The following ASIC2 variants were observed in gnomAD, a reference collection of about 807,000 sequenced individuals.
The protein encoded by ASIC2 is acid-sensing ion channel 2.
ASIC2 carries 25 observed loss-of-function variants against 57.3 expected under a neutral mutation model. The ratio of observed to expected loss-of-function variants is 0.44; its 90% confidence interval spans 0.32 to 0.61. The LOEUF is 0.61. Among genes scored for constraint, ASIC2 ranks in the 20% least tolerant of loss-of-function variants. The probability of loss-of-function intolerance (pLI) is 0.06; values close to 1 mark genes in which losing one functional copy is unlikely to be tolerated. For synonymous variants in ASIC2, 319 were observed against 307.5 expected (o/e 1.04, Z -0.39); for missense variants, 641 against 738.1 (o/e 0.87, Z 1.52).
intron 1 of ASIC2, among the ~76,000 whole-genome samples, chr17:33,357,013 T>C (rs1908408065): frequency 6.3e-3 from 1 of 160 alleles, no homozygotes; most frequent in South Asian, 0.1. Context: ...CTCAAACTTC[T>C]TTGAGCATCA....
intron 1 of ASIC2, among the ~76,000 whole-genome samples, chr17:33,267,282 G>C (rs895599998): frequency 5.9e-5 from 9 of 152,174 alleles, no homozygotes; most frequent in African/African-American, 2.2e-4. Context: ...AATAGTAAGA[G>C]ATGGCTTTCT....
chr17:33,483,927 A>G (rs1913494764), intron 1 of ASIC2, among the ~76,000 whole-genome samples: 1 of 152,174 alleles, frequency 6.6e-6, no homozygotes, highest in Non-Finnish European at 1.5e-5. Flanking sequence ...GTGGTATCAC[A>G]GGGGTCCTTG....
chr17:33,103,781 C>T (rs903426558), intron 2 of ASIC2, among the ~76,000 whole-genome samples: 2 of 152,156 alleles, frequency 1.3e-5, no homozygotes, highest in African/African-American at 4.8e-5. Context: ...TCCCTCACCT[C>T]CCTGTTTTTC....
chr17:33,364,085 C>T lies in ASIC2; in HGVS notation c.556-252018G>A, dbSNP rs7219978. On this transcript the variant is annotated intron_variant, in intron 1 of 9. Transcript: ENST00000359872. ...ACTGAGGCTCAGGGAGGTACAGTGACGTGTTCAAAGACACCCTGTGAATAA... is the reference window on the plus strand; with the variant it reads ...ACTGAGGCTCAGGGAGGTACAGTGATGTGTTCAAAGACACCCTGTGAATAA... 6.2e-3 allele frequency among the ~76,000 whole-genome samples: 939 copies of T among 152,210 alleles called. 5 individuals carry two copies. Among genetic ancestry groups the T allele is most frequent in the African/African-American group, 0.021 (876 of 41,502 alleles).
At chr17:33,237,419 C>A (rs970541521) in intron 1 of ASIC2, among the ~76,000 whole-genome samples, 1 of 151,558 alleles carries the variant, frequency 6.6e-6, no homozygotes, top group African/African-American at 2.4e-5. Flanking sequence ...GGCATGATCT[C>A]AGCTCACCGC....
chr17:33,019,651 C>T (rs1420711572), intron 7 of ASIC2, among the ~76,000 whole-genome samples: 2 of 152,054 alleles, frequency 1.3e-5, no homozygotes, highest in South Asian at 2.1e-4. Flanking sequence ...GCGGCACACG[C>T]TCTCATCACA....
chr17:33,810,056 C>T (rs1912375159), intron 1 of ASIC2, among the ~76,000 whole-genome samples: 1 of 152,122 alleles, frequency 6.6e-6, no homozygotes, highest in Non-Finnish European at 1.5e-5. Flanking sequence ...CATTAATCTG[C>T]TGCTTTTTAA....
chr17:33,841,826 C>T (rs145962059), intron 1 of ASIC2, among the ~76,000 whole-genome samples: 16 of 152,146 alleles, frequency 1.1e-4, no homozygotes, highest in East Asian at 1.9e-4. Flanking sequence ...TTCAAGAGGC[C>T]GGAGAAGAGA....
intron 1 of ASIC2, among the ~76,000 whole-genome samples, chr17:33,886,983 C>T (rs1161058221): frequency 6.6e-6 from 1 of 152,026 alleles, no homozygotes; most frequent in Non-Finnish European, 1.5e-5. Context: ...CATTTTTTTC[C>T]CATCTTGACT....
At chr17:33,702,238 A>T (rs1908726198) in intron 1 of ASIC2, among the ~76,000 whole-genome samples, 1 of 152,194 alleles carries the variant, frequency 6.6e-6, no homozygotes, top group African/African-American at 2.4e-5. Flanking sequence ...GGATCAAGTA[A>T]CTTAGCACAA....
intron 1 of ASIC2, among the ~76,000 whole-genome samples, chr17:33,617,523 G>A (rs1230173814): frequency 7.0e-6 from 1 of 143,004 alleles, no homozygotes; most frequent in Non-Finnish European, 1.6e-5. Flanking sequence ...GAGGAGGGGA[G>A]AATAAAAAAA....
chr17:33,756,187 C>A (rs958901539), intron 1 of ASIC2, among the ~76,000 whole-genome samples: 1 of 152,248 alleles, frequency 6.6e-6, no homozygotes, highest in East Asian at 1.9e-4. Flanking sequence ...GGGCACCTGA[C>A]CACAGGTCAT....
chr17:33,176,979 T>C (rs1905783327), intron 1 of ASIC2, among the ~76,000 whole-genome samples: 2 of 152,236 alleles, frequency 1.3e-5, no homozygotes, highest in South Asian at 4.1e-4. Flanking sequence ...ACCTGGTCAA[T>C]GCTGAATTTG....
intron 1 of ASIC2, among the ~76,000 whole-genome samples, chr17:33,748,318 C>CTTT: frequency 6.6e-6 from 1 of 152,176 alleles, no homozygotes; most frequent in Non-Finnish European, 1.5e-5. Context: ...AATCTTGAAC[C>CTTT]CCAAACTCTG....
chr17:33,927,332 T>C (rs1915844720), intron 1 of ASIC2, among the ~76,000 whole-genome samples: 1 of 152,206 alleles, frequency 6.6e-6, no homozygotes, highest in African/African-American at 2.4e-5. Context: ...AAAATTCTTA[T>C]GTTGGAAGAA....
At chr17:33,096,135 ACT>A (rs529530838) in intron 2 of ASIC2, among the ~76,000 whole-genome samples, 89 of 152,034 alleles carry the variant, frequency 5.9e-4, no homozygotes, top group Admixed American at 2.1e-3. Flanking sequence ...AAAGAGAGAA[ACT>A]CTCTCTGAAA....
chr17:33,841,775 T>C (rs550946986), intron 1 of ASIC2, among the ~76,000 whole-genome samples: 1 of 152,304 alleles, frequency 6.6e-6, no homozygotes, highest in East Asian at 1.9e-4. Flanking sequence ...ATCTTGCTCT[T>C]GTGTCAAATC....
chr17:33,923,449 G>C (rs1184027442), intron 1 of ASIC2, among the ~76,000 whole-genome samples: 2 of 152,118 alleles, frequency 1.3e-5, no homozygotes, highest in Admixed American at 6.5e-5. Flanking sequence ...GACTTCTCAG[G>C]GTCATACAGG....
intron 1 of ASIC2, among the ~76,000 whole-genome samples, chr17:33,435,867 A>T (rs1320961192): frequency 6.6e-6 from 1 of 152,170 alleles, no homozygotes; most frequent in African/African-American, 2.4e-5. Flanking sequence ...GTCTGATCAG[A>T]CCTCTAGACC....
Sources: gnomAD v4.1 joint callset for allele counts (sites outside exome capture counted in the v4.1 genomes callset) on GRCh38, gnomAD v4.1.1 for gene constraint, MANE v1.5 for transcripts, NCBI Gene and HGNC (gene_info 2026-07-23, HGNC 2026-07-21) for gene names.